SCHIP1: variants seen among roughly 807,000 people sequenced by gnomAD.
SCHIP1 encodes schwannomin interacting protein 1.
In SCHIP1, 8 loss-of-function variants were observed where a neutral mutation model predicts 29.7. That is an observed-to-expected ratio of 0.27 (90% CI 0.16 to 0.49). The LOEUF is 0.49. Among genes scored for constraint, SCHIP1 ranks in the 20% least tolerant of loss-of-function variants. SCHIP1 has a pLI of 0.99. For synonymous variants in SCHIP1, 76 were observed against 94.9 expected, an observed-to-expected ratio of 0.80 and a Z score of 1.16; for missense variants, 193 against 294.6, an observed-to-expected ratio of 0.66 and a Z score of 2.52.
At chr3:159,498,045 G>A in the SCHIP1 span, among the ~76,000 whole-genome samples, 1 of 152,072 alleles carries the variant, frequency 6.6e-6, no homozygotes, top group Non-Finnish European at 1.5e-5. Flanking sequence ...AAGCCATAAT[G>A]TAGAAGTGAA....
At chr3:159,366,793 T>A in the SCHIP1 span, among the ~76,000 whole-genome samples, 2 of 152,188 alleles carry the variant, frequency 1.3e-5, no homozygotes, top group Non-Finnish European at 2.9e-5. Flanking sequence ...GTAGATTGCA[T>A]GGGACAGCAA....
At chr3:159,570,917 G>A in the SCHIP1 span, among the ~76,000 whole-genome samples, 5 of 152,118 alleles carry the variant, frequency 3.3e-5, no homozygotes. Flanking sequence ...ATTGTGAATG[G>A]GAGTTCACTC....
the SCHIP1 span, among the ~76,000 whole-genome samples, chr3:159,457,192 A>G: frequency 1.3e-5 from 2 of 152,126 alleles, no homozygotes; most frequent in Non-Finnish European, 2.9e-5. Flanking sequence ...ATTAGCTCCA[A>G]CTTCCTCATT....
chr3:159,619,272 A>C, the SCHIP1 span, among the ~76,000 whole-genome samples: 1 of 152,344 alleles, frequency 6.6e-6, no homozygotes, highest in East Asian at 1.9e-4. Context: ...CTGGTTCATA[A>C]ACCTCTCTGG....
the SCHIP1 span, among the ~76,000 whole-genome samples, chr3:159,486,584 C>A: frequency 3.9e-5 from 6 of 152,172 alleles, no homozygotes; most frequent in African/African-American, 1.4e-4. Flanking sequence ...TCAGAATCAC[C>A]ATGTCTTCTG....
the SCHIP1 span, among the ~76,000 whole-genome samples, chr3:159,479,716 C>T: frequency 6.6e-6 from 1 of 152,156 alleles, no homozygotes; most frequent in South Asian, 2.1e-4. Context: ...CCCACATTTA[C>T]AGATGAGAAA....
At chr3:159,359,056 T>C in the SCHIP1 span, among the ~76,000 whole-genome samples, 5 of 151,116 alleles carry the variant, frequency 3.3e-5, no homozygotes, top group African/African-American at 1.2e-4. Flanking sequence ...GCCTCCCGAG[T>C]AGCTGGGACT....
the SCHIP1 span, among the ~76,000 whole-genome samples, chr3:159,496,276 C>T: frequency 6.6e-6 from 1 of 152,160 alleles, no homozygotes; most frequent in Non-Finnish European, 1.5e-5. Flanking sequence ...AACTAAAGAG[C>T]TTCTGCACAG....
the SCHIP1 span, among the ~76,000 whole-genome samples, chr3:159,470,100 T>A: frequency 6.6e-6 from 1 of 152,110 alleles, no homozygotes; most frequent in Non-Finnish European, 1.5e-5. Flanking sequence ...AACACCAGTC[T>A]TCCTAAAAAC....
intron 1 of SCHIP1, among the ~76,000 whole-genome samples, chr3:159,853,997 G>A (rs1279312526): frequency 1.3e-5 from 2 of 152,066 alleles, no homozygotes; most frequent in African/African-American, 2.4e-5. Flanking sequence ...GTAATCACAG[G>A]CCCGAGTAAA....
At chr3:159,754,305 A>G in the SCHIP1 span, among the ~76,000 whole-genome samples, 2 of 152,244 alleles carry the variant, frequency 1.3e-5, no homozygotes, top group African/African-American at 2.4e-5. Flanking sequence ...GACACCTGGT[A>G]TTAGAGTTTT....
At chr3:159,592,417 C>T in the SCHIP1 span, among the ~76,000 whole-genome samples, 2 of 152,194 alleles carry the variant, frequency 1.3e-5, no homozygotes, top group African/African-American at 4.8e-5. Context: ...CTTCTTAACA[C>T]ACCATAAGGC....
chr3:159,888,996 A>T, intron 5 of SCHIP1, 53 bp downstream of exon 6: 1 of 1,567,052 alleles, frequency 6.4e-7, no homozygotes, highest in Non-Finnish European at 8.7e-7. Flanking sequence ...ACATTATGGG[A>T]TAATGCTGCT....
At chr3:159,558,420 GGACAATAAGA>G in the SCHIP1 span, among the ~76,000 whole-genome samples, 4 of 152,248 alleles carry the variant, frequency 2.6e-5, no homozygotes, top group South Asian at 4.1e-4. Context: ...GCTTCTTCTA[GGACAATAAGA>G]GACAATAAGA....
intron 6 of SCHIP1, 67 bp from the exon 8 acceptor site, chr3:159,896,656 C>T: frequency 6.9e-7 from 1 of 1,459,732 alleles, no homozygotes; most frequent in Non-Finnish European, 9.2e-7. Context: ...GATGCTGTAG[C>T]TATTGATTGA....
chr3:159,856,991 C>T (rs934993695), intron 1 of SCHIP1, among the ~76,000 whole-genome samples: 1 of 152,186 alleles, frequency 6.6e-6, no homozygotes, highest in Admixed American at 6.5e-5. Flanking sequence ...GGGCTGAATA[C>T]GCTTGAAGAA....
intron 1 of SCHIP1, among the ~76,000 whole-genome samples, chr3:159,855,788 A>T (rs1454658384): frequency 6.6e-6 from 1 of 152,202 alleles, no homozygotes; most frequent in Non-Finnish European, 1.5e-5. Flanking sequence ...ACTAATAAAT[A>T]CCACATGTGT....
the SCHIP1 span, among the ~76,000 whole-genome samples, chr3:159,331,004 C>T: frequency 6.6e-5 from 10 of 152,158 alleles, no homozygotes; most frequent in East Asian, 1.9e-3. Flanking sequence ...TACATAGATT[C>T]AATGCTTCCA....
chr3:159,414,171 C>T, the SCHIP1 span, among the ~76,000 whole-genome samples: 6 of 152,174 alleles, frequency 3.9e-5, no homozygotes, highest in African/African-American at 1.4e-4. Context: ...AAGAGTACTG[C>T]TCCTTTCCAG....
Sources: allele counts gnomAD v4.1 joint callset (sites outside exome capture counted in the v4.1 genomes callset), GRCh38; gene constraint gnomAD v4.1.1; transcripts MANE v1.5; gene names NCBI Gene and HGNC (gene_info 2026-07-23, HGNC 2026-07-21).